ZNF407: variants seen among roughly 807,000 people sequenced by gnomAD.
The protein encoded by ZNF407 is zinc finger protein 407.
Under a neutral mutation model 131.2 loss-of-function variants are expected in ZNF407, and 17 were observed. The observed-to-expected ratio is 0.13, with a 90% CI of 0.09 to 0.19. The LOEUF is 0.19. ZNF407 is among the 10% of genes least tolerant of loss of function. The pLI is 1.00. For synonymous variants in ZNF407, 1,156 were observed against 1,062.0 expected, an observed-to-expected ratio of 1.09 and a Z score of -1.72; for missense variants, 2,681 against 2,830.6, an observed-to-expected ratio of 0.95 and a Z score of 1.20.
intron 3 of ZNF407, among the ~76,000 whole-genome samples, chr18:74,775,516 C>A (rs910278278): frequency 6.6e-6 from 1 of 152,176 alleles, no homozygotes; most frequent in Admixed American, 6.6e-5. Context: ...CAGATAGTTT[C>A]TCACATATTT....
At chr18:74,623,080 G>C (rs1983612568) in intron 1 of ZNF407, among the ~76,000 whole-genome samples, 1 of 147,658 alleles carries the variant, frequency 6.8e-6, no homozygotes, top group Non-Finnish European at 1.5e-5. Context: ...GTGTGTATCT[G>C]TATCAGTGTG....
chr18:74,939,556 G>A (rs968167900), intron 8 of ZNF407, among the ~76,000 whole-genome samples: 6 of 152,276 alleles, frequency 3.9e-5, no homozygotes, highest in Admixed American at 1.3e-4. Flanking sequence ...AAAAGTATAT[G>A]CAAAAATGCT....
At chr18:74,643,345 A>G (rs73971120) in intron 3 of ZNF407, among the ~76,000 whole-genome samples, 4,100 of 152,218 alleles carry the variant, frequency 0.027, 167 homozygotes, top group African/African-American at 0.088. Flanking sequence ...TACCTTTTAC[A>G]AAATCATGCT....
chr18:74,825,692 G>A (rs1400562277), intron 4 of ZNF407, among the ~76,000 whole-genome samples: 1 of 152,138 alleles, frequency 6.6e-6, no homozygotes, highest in Non-Finnish European at 1.5e-5. Context: ...TCTTGGTTTT[G>A]TCAGGTTTTG....
intron 3 of ZNF407, among the ~76,000 whole-genome samples, chr18:74,656,215 A>G (rs1985449236): frequency 6.6e-6 from 1 of 152,122 alleles, no homozygotes; most frequent in Non-Finnish European, 1.5e-5. Flanking sequence ...GAATCAAAGG[A>G]CTTACAATTC....
At chr18:74,803,322 C>A (rs572128665) in intron 4 of ZNF407, among the ~76,000 whole-genome samples, 1 of 152,166 alleles carries the variant, frequency 6.6e-6, no homozygotes, top group Non-Finnish European at 1.5e-5. Flanking sequence ...AATGGGGATA[C>A]CCCGTTGGTC....
intron 8 of ZNF407, among the ~76,000 whole-genome samples, chr18:75,046,762 A>G (rs1973440470): frequency 1.5e-5 from 2 of 136,224 alleles, no homozygotes; most frequent in African/African-American, 2.8e-5. Flanking sequence ...GAAGACAATG[A>G]AAAAAAAAAA....
chr18:74,909,025 G>C (rs774414456), intron 7 of ZNF407, among the ~76,000 whole-genome samples: 1 of 144,962 alleles, frequency 6.9e-6, no homozygotes, highest in Non-Finnish European at 1.5e-5. Flanking sequence ...AGATACAGTA[G>C]AAACCCCCTT....
chr18:74,926,351 G>A (rs1004182964), intron 8 of ZNF407, among the ~76,000 whole-genome samples: 27 of 152,152 alleles, frequency 1.8e-4, no homozygotes, highest in Admixed American at 6.6e-4. Flanking sequence ...GTTGTTTGCA[G>A]TAATGTAATT....
intron 8 of ZNF407, among the ~76,000 whole-genome samples, chr18:75,052,196 T>C (rs972737958): frequency 4.6e-5 from 7 of 152,172 alleles, no homozygotes; most frequent in Admixed American, 4.6e-4. Context: ...CAAGAAAACA[T>C]GGAAATGTTA....
chr18:74,683,648 C>T (rs1324466926), intron 3 of ZNF407, among the ~76,000 whole-genome samples: 1 of 152,184 alleles, frequency 6.6e-6, no homozygotes, highest in African/African-American at 2.4e-5. Context: ...AACATACAAA[C>T]TATTTTTGCT....
At chr18:74,836,855 G>C (rs967026853) in intron 4 of ZNF407, among the ~76,000 whole-genome samples, 1 of 152,184 alleles carries the variant, frequency 6.6e-6, no homozygotes, top group Admixed American at 6.5e-5. Flanking sequence ...CTTGCTCAGA[G>C]CCACAGAGCT....
chr18:74,626,163 A>T lies in ZNF407; in HGVS notation c.-53-4804A>T, dbSNP rs543928799. Among the ~76,000 whole-genome samples, 19 of 152,334 alleles carry T rather than the reference A, an allele frequency of 1.2e-4. No homozygotes were observed. The South Asian group carries it at 3.9e-3, about 32-fold the overall frequency. On this transcript the variant is annotated intron_variant, in intron 1 of 8. Transcript: ENST00000299687. ...CCATCACTAGGCATCAGGGAAATGGAGATTAAAACCATACATACTAGAGTG... is the reference window on the plus strand; with the variant it reads ...CCATCACTAGGCATCAGGGAAATGGTGATTAAAACCATACATACTAGAGTG...
chr18:74,713,358 C>CTTTTTTTTT (rs5826345), intron 3 of ZNF407, among the ~76,000 whole-genome samples: 2 of 84,478 alleles, frequency 2.4e-5, no homozygotes, highest in Non-Finnish European at 2.5e-5. Context: ...ATTTTAGCAT[C>CTTTTTTTTT]TTTTTTTTTT....
chr18:74,717,574 T>C (rs570037784), intron 3 of ZNF407, among the ~76,000 whole-genome samples: 1 of 152,348 alleles, frequency 6.6e-6, no homozygotes, highest in South Asian at 2.1e-4. Context: ...TGTGTGATCA[T>C]TGTTTATAGT....
chr18:74,658,545 A>T (rs946590453), intron 3 of ZNF407, among the ~76,000 whole-genome samples: 1 of 152,206 alleles, frequency 6.6e-6, no homozygotes, highest in South Asian at 2.1e-4. Context: ...GTGACTACCT[A>T]GATGAATACT....
rs373149860 is a variant in ZNF407, at chr18:74,635,417, C to A, written c.4398C>A (p.Ala1466=). ...ESNLHQHLAS[A]GHMRNEQASV... ...ACCTTCACCAGCATCTGGCTAGTGCCGGCCACATGAGAAATGAGCAGGCCA... is the reference window on the plus strand; with the variant it reads ...ACCTTCACCAGCATCTGGCTAGTGCAGGCCACATGAGAAATGAGCAGGCCA... Residue 1466 remains alanine (A), a synonymous_variant, in exon 2 of 9, where the codon GCC becomes GCA. Coordinates refer to ENST00000299687, the MANE Select transcript of ZNF407 (RefSeq NM_017757.3). This position sits in a 1 kb window ranked among gnomAD's most constrained non-coding sequence, Gnocchi z 4.7. 2.1e-5 allele frequency: 34 copies of A among 1,613,552 alleles called. No individual in the cohort carries two copies. The African/African-American group carries it at 4.3e-4, about 20-fold the overall frequency.
At chr18:74,934,789 G>A (rs1024876382) in intron 8 of ZNF407, among the ~76,000 whole-genome samples, 2 of 152,234 alleles carry the variant, frequency 1.3e-5, no homozygotes, top group Non-Finnish European at 2.9e-5. Context: ...CTGGGCGACA[G>A]AGCGAGACTC....
At chr18:74,891,378 A>G (rs1971382588) in intron 7 of ZNF407, among the ~76,000 whole-genome samples, 1 of 152,208 alleles carries the variant, frequency 6.6e-6, no homozygotes, top group South Asian at 2.1e-4. Context: ...TTTGTTGAAT[A>G]TTATGTATGT....
Sources: gnomAD v4.1 joint callset for allele counts (sites outside exome capture counted in the v4.1 genomes callset) on GRCh38, gnomAD v4.1.1 for gene constraint, Gnocchi (gnomAD v3.1) non-coding constraint, MANE v1.5 for transcripts, NCBI Gene and HGNC (gene_info 2026-07-23, HGNC 2026-07-21) for gene names.